Variants in GMDS observed in about 807,000 individuals in gnomAD.
The protein encoded by GMDS is GDP-mannose 4,6 dehydratase.
GMDS carries 20 observed loss-of-function variants against 49.9 expected under a neutral mutation model. The ratio of observed to expected loss-of-function variants is 0.40; its 90% CI spans 0.28 to 0.58. The LOEUF is 0.58. Ranked by LOEUF, GMDS falls within the 20% of genes least tolerant of loss-of-function variation. GMDS has a pLI of 0.42. For missense variants in GMDS, 362 were observed against 481.4 expected (o/e 0.75, Z 2.32); for synonymous variants, 177 against 178.6 (o/e 0.99, Z 0.07).
intron 7 of GMDS, among the ~76,000 whole-genome samples, chr6:1,916,508 A>G (rs973183171): frequency 4.6e-5 from 7 of 151,960 alleles, no homozygotes; most frequent in African/African-American, 1.7e-4. Flanking sequence ...AAAGAGAGGT[A>G]GGGATGAACA....
intron 1 of GMDS, among the ~76,000 whole-genome samples, chr6:2,180,997 C>A (rs529552124): frequency 1.3e-5 from 2 of 151,830 alleles, no homozygotes; most frequent in Non-Finnish European, 2.9e-5. Context: ...GAAGCCCAGT[C>A]TCTACTAAAA....
intron 9 of GMDS, among the ~76,000 whole-genome samples, chr6:1,685,548 T>C (rs1296107532): frequency 6.6e-6 from 1 of 152,148 alleles, no homozygotes; most frequent in Admixed American, 6.5e-5. Context: ...GCTGACAATA[T>C]ATTCCTCGTC....
intron 7 of GMDS, among the ~76,000 whole-genome samples, chr6:1,841,752 AAGGG>A (rs1010012544): frequency 6.6e-5 from 10 of 152,136 alleles, no homozygotes; most frequent in African/African-American, 2.4e-4. Flanking sequence ...CACAGATAGG[AAGGG>A]AGGAAGAACC....
At chr6:1,744,308 A>G (rs1284471056) in intron 7 of GMDS, among the ~76,000 whole-genome samples, 1 of 152,194 alleles carries the variant, frequency 6.6e-6, no homozygotes, top group Non-Finnish European at 1.5e-5. Context: ...GTTTCAAGTC[A>G]GTGATATTCT....
intron 1 of GMDS, among the ~76,000 whole-genome samples, chr6:2,196,572 C>A (rs576245996): frequency 6.6e-6 from 1 of 152,298 alleles, no homozygotes; most frequent in Non-Finnish European, 1.5e-5. Flanking sequence ...AAATAAACTG[C>A]AGATCATGCC....
chr6:1,638,528 C>A (rs1029477269), intron 9 of GMDS, among the ~76,000 whole-genome samples: 4 of 147,330 alleles, frequency 2.7e-5, no homozygotes, highest in Non-Finnish European at 1.5e-5. Context: ...CAACCCCCGA[C>A]ACTATGAGGC....
chr6:1,900,664 A>G (rs1468770012), intron 7 of GMDS, among the ~76,000 whole-genome samples: 1 of 152,224 alleles, frequency 6.6e-6, no homozygotes, highest in African/African-American at 2.4e-5. Context: ...ATGTGACAAG[A>G]AGAGACAGTT....
chr6:1,935,427 C>T (rs1389229469), intron 6 of GMDS, among the ~76,000 whole-genome samples: 1 of 152,128 alleles, frequency 6.6e-6, no homozygotes, highest in Non-Finnish European at 1.5e-5. Flanking sequence ...TCAGTAAGTA[C>T]TCAGTAACTG....
At chr6:2,235,631 C>T (rs1781321737) in intron 1 of GMDS, among the ~76,000 whole-genome samples, 3 of 150,776 alleles carry the variant, frequency 2.0e-5, no homozygotes, top group South Asian at 4.2e-4. Flanking sequence ...CACGGCAAGA[C>T]CCCATCTTAA....
At chr6:1,736,077 G>A (rs943444175) in intron 8 of GMDS, among the ~76,000 whole-genome samples, 4 of 152,138 alleles carry the variant, frequency 2.6e-5, no homozygotes, top group South Asian at 2.1e-4. Flanking sequence ...ATGGGCCCGC[G>A]ACCTGGTGAA....
At chr6:2,116,946 T>C (rs1774880794) in intron 3 of GMDS, among the ~76,000 whole-genome samples, 1 of 152,214 alleles carries the variant, frequency 6.6e-6, no homozygotes, top group Non-Finnish European at 1.5e-5. Context: ...GCTTGTGCTA[T>C]ATAAACTGTA....
chr6:2,240,141 G>A (rs1581847445), intron 1 of GMDS, among the ~76,000 whole-genome samples: 1 of 152,196 alleles, frequency 6.6e-6, no homozygotes, highest in Admixed American at 6.5e-5. Flanking sequence ...AGACTCACTG[G>A]ACATTAAATC....
intron 6 of GMDS, among the ~76,000 whole-genome samples, chr6:1,956,571 G>A (rs921632743): frequency 2.0e-5 from 3 of 152,020 alleles, no homozygotes; most frequent in African/African-American, 7.2e-5. Flanking sequence ...TGGGTGACTG[G>A]ATACCTAGGA....
intron 9 of GMDS, among the ~76,000 whole-genome samples, chr6:1,720,648 G>C (rs920074602): frequency 2.0e-5 from 3 of 152,176 alleles, no homozygotes; most frequent in African/African-American, 7.2e-5. Context: ...TACAGAACGA[G>C]TAGTCTCGCC....
intron 8 of GMDS, among the ~76,000 whole-genome samples, chr6:1,729,303 G>T (rs1766705638): frequency 6.6e-6 from 1 of 152,174 alleles, no homozygotes; most frequent in Non-Finnish European, 1.5e-5. Context: ...GTGCTACTTT[G>T]GCACTCAACA....
chr6:2,015,263 T>C (rs987501453), intron 4 of GMDS, among the ~76,000 whole-genome samples: 1 of 152,148 alleles, frequency 6.6e-6, no homozygotes, highest in Non-Finnish European at 1.5e-5. Context: ...CACTGTCACA[T>C]AAAACATTTA....
rs1764491982 is a variant in GMDS, at chr6:1,673,511, G to C, written c.988-48971C>G. 2.0e-5 allele frequency among the ~76,000 whole-genome samples: 3 copies of C among 151,804 alleles called. No homozygotes were observed. The South Asian group carries it at 6.3e-4, about 32-fold the overall frequency. On this transcript the variant is annotated intron_variant, in intron 9 of 10. Transcript: ENST00000380815. ...TTTCCCCTATTAACAATATATCTCA[G>C]AGTGTTATATTTGTTATAACTGATG...
rs1765438034 is a variant in GMDS at position 1,984,691 on chromosome 6, T to C, written c.346-23725A>G. Among the ~76,000 whole-genome samples the C allele has an allele frequency of 2.0e-5, 3 of 152,312 alleles. No individual in the cohort carries two copies. In the South Asian group the frequency reaches 6.2e-4, roughly 32 times the overall value. ...TCCTCCATGCTACCAAAATTATCTT[T>C]CTAAATTGTAAAACCTACTCAGGTC... On this transcript the variant is annotated intron_variant, in intron 4 of 10. Coordinates refer to ENST00000380815, the MANE Select transcript of GMDS (RefSeq NM_001500.4).
At chr6:2,148,429 G>GT (rs542020734) in intron 1 of GMDS, among the ~76,000 whole-genome samples, 138 of 151,848 alleles carry the variant, frequency 9.1e-4, no homozygotes, top group South Asian at 2.7e-3. Context: ...GTTTGTTTTT[G>GT]TTTTTTTTGA....
Sources: allele counts gnomAD v4.1 joint callset (sites outside exome capture counted in the v4.1 genomes callset), GRCh38; gene constraint gnomAD v4.1.1; transcripts MANE v1.5; gene names NCBI Gene and HGNC (gene_info 2026-07-23, HGNC 2026-07-21).